Variants in MGRN1 observed in about 807,000 individuals in gnomAD.
The protein encoded by MGRN1 is mahogunin ring finger 1.
MGRN1 carries 29 observed loss-of-function variants against 69.2 expected under a neutral mutation model. That is an observed-to-expected ratio of 0.42 (90% confidence interval 0.31 to 0.57). The LOEUF (loss-of-function observed/expected upper bound fraction) is 0.57, where lower values mean the gene tolerates loss of function less well. Among genes scored for constraint, MGRN1 ranks in the 20% least tolerant of loss-of-function variants. The probability of loss-of-function intolerance (pLI) is 0.15; values close to 1 mark genes in which losing one functional copy is unlikely to be tolerated. For synonymous variants in MGRN1, 470 were observed against 344.2 expected, an observed-to-expected ratio of 1.37 and a Z score of -4.04; for missense variants, 998 against 796.2, an observed-to-expected ratio of 1.25 and a Z score of -3.05.
At chr16:4,635,188 G>A (rs1045588277) in intron 1 of MGRN1, among the ~76,000 whole-genome samples, 1 of 152,158 alleles carries the variant, frequency 6.6e-6, no homozygotes, top group Non-Finnish European at 1.5e-5. Flanking sequence ...GAGGCAGGCG[G>A]ATCACTTGAG....
intron 1 of MGRN1, among the ~76,000 whole-genome samples, chr16:4,642,698 C>A (rs929011152): frequency 6.6e-6 from 1 of 151,428 alleles, no homozygotes; most frequent in Non-Finnish European, 1.5e-5. Context: ...GACGGCAGAC[C>A]TCAAGTGATT....
intron 16 of MGRN1, chr16:4,687,720 T>A (rs933046950): frequency 1.4e-5 from 14 of 985,386 alleles, no homozygotes; most frequent in Non-Finnish European, 1.7e-5. Context: ...GCAGCTCTGG[T>A]CTGCCGAGGC....
intron 1 of MGRN1, among the ~76,000 whole-genome samples, chr16:4,627,527 C>T (rs556979721): frequency 2.0e-5 from 3 of 152,374 alleles, no homozygotes; most frequent in Non-Finnish European, 2.9e-5. Context: ...GTGGCTCACG[C>T]CTATAATCCC....
chr16:4,652,808 C>G lies in MGRN1; in HGVS notation c.427C>G (p.Leu143Val). The G allele has an allele frequency of 4.3e-6, 7 of 1,609,778 alleles. No homozygotes were observed. The highest frequency in any genetic ancestry group is 5.9e-6 in the Non-Finnish European group (7 of 1,178,014). The change falls in exon 4 of 17, where the codon CTG becomes GTG. Residue 143 changes from leucine to valine, a missense_variant. Physicochemically the swap from Leu to Val is conservative, Grantham distance 32. Coordinates refer to ENST00000262370, the MANE Select transcript of MGRN1 (RefSeq NM_015246.4). ...TIYCQASEEFLNGRAVYSPKS... is the reference protein window; with the variant it reads ...TIYCQASEEFVNGRAVYSPKS... The stretch of plus-strand genomic sequence containing the variant: ...CTACTGCCAGGCATCGGAGGAGTTC[C>G]TGAACGGCAGGGCAGTGTGAGTCCC...
chr16:4,650,347 G>T lies in MGRN1; in HGVS notation c.89-18G>T, dbSNP rs1443663825. 207 of 1,340,206 alleles carry T rather than the reference G, an allele frequency of 1.5e-4. No individual in the cohort carries two copies. The highest frequency in any genetic ancestry group is 2.0e-4 in the Non-Finnish European group (186 of 948,448). The allele number at this position is 1,340,206 out of a possible 1,614,324, so 83.0% of individuals were successfully genotyped here. On this transcript the variant is annotated intron_variant, in intron 1 of 16. Transcript: ENST00000262370. The stretch of plus-strand genomic sequence containing the variant: ...AAAAAAAAAAAAAATCTATAATCGT[G>T]TTTCCTTTTTTAAACAGGAAACTAC...
At chr16:4,679,175 CCT>C (rs2079120939) in intron 11 of MGRN1, among the ~76,000 whole-genome samples, 1 of 152,282 alleles carries the variant, frequency 6.6e-6, no homozygotes, top group African/African-American at 2.4e-5. Flanking sequence ...AGAAGCAGCC[CCT>C]GAGGGATTTG....
intron 9 of MGRN1, among the ~76,000 whole-genome samples, chr16:4,671,780 C>T (rs1314694460): frequency 2.0e-5 from 3 of 152,218 alleles, no homozygotes; most frequent in East Asian, 1.9e-4. Context: ...TCCCCAGAGA[C>T]AGCACGTCCC....
chr16:4,682,891 C>A lies in MGRN1; in HGVS notation c.1427C>A (p.Ala476Asp). 6.2e-7 allele frequency: 1 copy of A among 1,609,442 alleles called. No individual in the cohort carries two copies. Among genetic ancestry groups the A allele is most frequent in the Non-Finnish European group, 8.5e-7 (1 of 1,176,926 alleles). Residue 476 changes from alanine (A) to aspartate (D), a missense_variant, in exon 14 of 17, where the codon GCC becomes GAC. Physicochemically the swap from Ala to Asp is moderately radical, Grantham distance 126 (BLOSUM62 -2). Transcript: ENST00000262370. ...GAGAAGCTCTCCGAGGACGTGGACG[C>A]CCCTCCCCCACTGGGTGGCGCAGAG... ...DEEKLSEDVD[A>D]PPPLGGAELA...
intron 1 of MGRN1, among the ~76,000 whole-genome samples, chr16:4,647,260 TG>T (rs1418642435): frequency 2.6e-5 from 4 of 152,186 alleles, no homozygotes; most frequent in Admixed American, 6.5e-5. Flanking sequence ...GCTCCATGAC[TG>T]GGGCTTGAGG....
chr16:4,682,598 G>T (rs141183897), intron 13 of MGRN1, among the ~76,000 whole-genome samples: 1 of 148,980 alleles, frequency 6.7e-6, no homozygotes, highest in Admixed American at 6.7e-5. Flanking sequence ...GCCCGTGCCA[G>T]TGTGTCGGGA....
intron 4 of MGRN1, 30 bp from the exon 5 acceptor site, chr16:4,657,216 G>T (rs745881862): frequency 6.2e-7 from 1 of 1,601,742 alleles, no homozygotes; most frequent in African/African-American, 1.3e-5. Flanking sequence ...TCCTGCCGCA[G>T]CCTCACTGCT....
chr16:4,670,776 C>T (rs1476392287), intron 8 of MGRN1, among the ~76,000 whole-genome samples: 1 of 152,208 alleles, frequency 6.6e-6, no homozygotes, highest in Admixed American at 6.5e-5. Flanking sequence ...GAACAGGAGA[C>T]CCCAGTGATG....
At position 4,650,210 on chromosome 16, in the gene MGRN1, G is replaced by A; in HGVS notation, c.89-155G>A. On this transcript the variant is annotated intron_variant, in intron 1 of 16. Coordinates refer to ENST00000262370, the MANE Select transcript of MGRN1 (RefSeq NM_015246.4). ...CCCAGCTACTCGGGAGGCTGAGGCA[G>A]AAGAATCGCTTGAACCCGGTGGGCG... 5.3e-6 allele frequency: 3 copies of A among 568,676 alleles called. No homozygotes were observed. In the South Asian group the frequency reaches 6.4e-5, roughly 12 times the overall value. The allele number at this position is 568,676 out of a possible 1,614,324, so 35.2% of individuals were successfully genotyped here.
At chr16:4,656,019 C>T (rs142077524) in intron 4 of MGRN1, among the ~76,000 whole-genome samples, 2 of 152,180 alleles carry the variant, frequency 1.3e-5, no homozygotes, top group South Asian at 2.1e-4. Context: ...TTTGTGTGTA[C>T]AGTGGTGGCC....
intron 16 of MGRN1, chr16:4,688,155 G>GT (rs2079376117): frequency 1.6e-5 from 16 of 985,546 alleles, no homozygotes; most frequent in Non-Finnish European, 1.9e-5. Context: ...GTCAGGGCTG[G>GT]TGGCTGGGTG....
At chr16:4,650,218 G>A (rs151130968) in intron 1 of MGRN1, 147 bp from the exon 2 acceptor site, 51 of 574,032 alleles carry the variant, frequency 8.9e-5, no homozygotes, top group Middle Eastern at 4.9e-4. Context: ...CAGAAGAATC[G>A]CTTGAACCCG....
intron 16 of MGRN1, 37 bp downstream of exon 16, chr16:4,683,969 G>A: frequency 6.6e-7 from 1 of 1,511,826 alleles, no homozygotes; most frequent in South Asian, 1.2e-5. Flanking sequence ...GGGGCTGGGT[G>A]CCTGTCTTAG....
intron 7 of MGRN1, among the ~76,000 whole-genome samples, chr16:4,667,999 T>C (rs1333461570): frequency 6.6e-6 from 1 of 152,176 alleles, no homozygotes; most frequent in Non-Finnish European, 1.5e-5. Flanking sequence ...CGAGGAGAGT[T>C]GGGTTCTGTG....
At chr16:4,665,289 G>C in intron 7 of MGRN1, 138 bp downstream of exon 7, 1 of 836,920 alleles carries the variant, frequency 1.2e-6, no homozygotes, top group South Asian at 1.6e-5. Flanking sequence ...AGGTTGGGGC[G>C]TGTCTGTGGC....
Sources: gnomAD v4.1 joint callset for allele counts (sites outside exome capture counted in the v4.1 genomes callset) on GRCh38, gnomAD v4.1.1 for gene constraint, MANE v1.5 for transcripts, NCBI Gene and HGNC (gene_info 2026-07-23, HGNC 2026-07-21) for gene names.